DHX38: variants seen among roughly 807,000 people sequenced by gnomAD.
DHX38 encodes the protein pre-mRNA-splicing factor ATP-dependent RNA helicase PRP16.
DHX38 carries 100 observed loss-of-function variants against 153.1 expected under a neutral mutation model. That is an observed-to-expected ratio of 0.65 (90% CI 0.56 to 0.77). The LOEUF is 0.77. Ranked by LOEUF, DHX38 falls within the 30% of genes least tolerant of loss-of-function variation. DHX38 has a pLI of 0.00. For synonymous variants in DHX38, 650 were observed against 631.7 expected, an observed-to-expected ratio of 1.03 and a Z score of -0.43; for missense variants, 1,440 against 1,654.0, an observed-to-expected ratio of 0.87 and a Z score of 2.24.
intron 9 of DHX38, 139 bp downstream of exon 9, chr16:72,100,736 G>C (rs2042088383): frequency 7.9e-7 from 1 of 1,270,536 alleles, no homozygotes; most frequent in Non-Finnish European, 1.1e-6. Flanking sequence ...TTCAAGGCCT[G>C]CCTGGGCAAT....
Position 72,104,774 on chromosome 16 carries a change from T to C in DHX38, c.2151+148T>C. ...GGGCAAATGGGGCAGCCTGCAGCTC[T>C]GGGACTCGGGGACAAAGGACTCTGC... On this transcript the variant is annotated intron_variant, in intron 15 of 26. Coordinates refer to ENST00000268482, the MANE Select transcript of DHX38 (RefSeq NM_014003.4). This position sits in a 1 kb window ranked among gnomAD's most constrained non-coding sequence, Gnocchi z 4.5. 1 of 1,190,910 alleles carries C rather than the reference T, an allele frequency of 8.4e-7. No homozygotes were observed. Among genetic ancestry groups the C allele is most frequent in the Non-Finnish European group, 1.2e-6 (1 of 836,732 alleles). The allele number at this position is 1,190,910 out of a possible 1,614,324, so 73.8% of individuals were successfully genotyped here. A position where few individuals can be genotyped will look rare whatever the true frequency, so the allele number is the denominator to read the frequency against.
chr16:72,112,107 T>C (rs2042264478), intron 26 of DHX38: 1 of 434,248 alleles, frequency 2.3e-6, no homozygotes, highest in Non-Finnish European at 4.2e-6. Context: ...AAAGGCAGGC[T>C]GCTACACAGT....
Position 72,108,742 on chromosome 16 carries a change from C to T in DHX38, c.3256-58C>T, listed in dbSNP as rs77584989. The T allele has an allele frequency of 3.2e-5, 51 of 1,598,532 alleles. No homozygotes were observed. The African/African-American group carries it at 4.1e-4, about 13-fold the overall frequency. The stretch of plus-strand genomic sequence containing the variant: ...TGTCAAGAGTGTTAAGGGATGGGGT[C>T]GCTGCCCAAATGGGTGTTGTTTTCC... On this transcript the variant is annotated intron_variant, in intron 23 of 26. Coordinates refer to ENST00000268482, the MANE Select transcript of DHX38 (RefSeq NM_014003.4).
chr16:72,096,758 A>G (rs887168085), intron 2 of DHX38, 64 bp from the exon 3 acceptor site: 34 of 1,539,188 alleles, frequency 2.2e-5, no homozygotes, highest in Non-Finnish European at 2.8e-5. Flanking sequence ...TGGACAGCCA[A>G]AGGTTTTAGG....
chr16:72,108,771 T>C (rs1421719024), intron 23 of DHX38, 29 bp from the exon 24 acceptor site: 11 of 1,607,386 alleles, frequency 6.8e-6, no homozygotes, highest in Non-Finnish European at 9.4e-6. Flanking sequence ...GTTTTCCTGA[T>C]GTGGCTGCCT....
chr16:72,110,260 GT>G (rs1323750325), intron 25 of DHX38, among the ~76,000 whole-genome samples: 1 of 152,250 alleles, frequency 6.6e-6, no homozygotes, highest in Non-Finnish European at 1.5e-5. Context: ...CTGTGCCTGT[GT>G]TTCGTGCACT....
rs2144134233 is a variant in DHX38 at position 72,097,770 on chromosome 16, A to G, written c.605A>G (p.His202Arg). 1.9e-6 allele frequency: 3 copies of G among 1,613,640 alleles called. No individual in the cohort carries two copies. The highest frequency in any genetic ancestry group is 1.7e-4 in the Middle Eastern group (1 of 6,060). ...SRRNEPESPRHRPKDAATPSR... is the reference protein window; with the variant it reads ...SRRNEPESPRRRPKDAATPSR... The stretch of plus-strand genomic sequence containing the variant: ...AGAAATGAACCCGAGAGCCCACGAC[A>G]TCGACCTAAAGGTAGACTCACTGTT... Residue 202 changes from histidine (H) to arginine (R), a missense_variant, in exon 4 of 27, where the codon CAT becomes CGT. Coordinates refer to ENST00000268482, the MANE Select transcript of DHX38 (RefSeq NM_014003.4).
chr16:72,110,884 C>T, intron 25 of DHX38, 72 bp from the exon 26 acceptor site: 1 of 1,500,202 alleles, frequency 6.7e-7, no homozygotes, highest in Non-Finnish European at 9.0e-7. Context: ...GTGGCAGGGA[C>T]TTGGGTGCCG....
At position 72,104,427 on chromosome 16, in the gene DHX38, TG is replaced by T; in HGVS notation, c.2011-54del. 1.2e-6 allele frequency: 2 copies of T among 1,602,226 alleles called. No homozygotes were observed. Among genetic ancestry groups the T allele is most frequent in the Admixed American group, 1.7e-5 (1 of 59,640 alleles). On this transcript the variant is annotated intron_variant, in intron 14 of 26. Coordinates refer to ENST00000268482, the MANE Select transcript of DHX38 (RefSeq NM_014003.4). This position sits in a 1 kb window ranked among gnomAD's most constrained non-coding sequence, Gnocchi z 4.5. ...TCCTCGGGGGTGGTGCTGATGGGAC[TG>T]GGGGACAGGAGCCAAGGGTCCCCAC...
chr16:72,097,362 C>A, intron 3 of DHX38: 1 of 413,300 alleles, frequency 2.4e-6, no homozygotes, highest in Non-Finnish European at 4.4e-6. Flanking sequence ...CAATGCTGTC[C>A]TTGCTCAGTA....
At chr16:72,108,725 G>C (rs993900718) in intron 23 of DHX38, 75 bp from the exon 24 acceptor site, 25 of 1,596,238 alleles carry the variant, frequency 1.6e-5, no homozygotes, top group Non-Finnish European at 2.0e-5. Context: ...TGTGTCAAGA[G>C]TGTTAAGGGA....
In DHX38 at chr16:72,104,142, T is replaced by C. The variant is rs761220459; in HGVS notation, c.2010+11T>C. ...GGGCTGCTCCGGGAGGTGAGGGCTG[T>C]GTGGTTTGGTCTCTCTGCGCATGGG... On this transcript the variant is annotated intron_variant, in intron 14 of 26. Transcript: ENST00000268482. The surrounding 1 kb of genome is among the most constrained non-coding windows in gnomAD (Gnocchi z 4.5). The C allele has an allele frequency of 5.0e-6, 8 of 1,612,426 alleles. No individual in the cohort carries two copies. The East Asian group carries it at 1.6e-4, about 31-fold the overall frequency.
Position 72,093,865 on chromosome 16 carries a change from G to A in DHX38, c.-206G>A, listed in dbSNP as rs1178952367. ...GTTCCACACTTGGATCCAGGAATCG[G>A]GCGTGTTCCAGGCTGCTCTCTATGG... is the stretch of plus-strand genomic sequence containing the variant. On this transcript the variant is annotated 5_prime_UTR_variant, in exon 1 of 27. Coordinates refer to ENST00000268482, the MANE Select transcript of DHX38 (RefSeq NM_014003.4). 6.6e-6 allele frequency: 1 copy of A among 152,334 alleles called. No homozygotes were observed. Among genetic ancestry groups the A allele is most frequent in the Non-Finnish European group, 1.5e-5 (1 of 68,162 alleles). The allele number at this position is 152,334 out of a possible 1,614,324, so 9.4% of individuals were successfully genotyped here. A position where few individuals can be genotyped will look rare whatever the true frequency, so the allele number is the denominator to read the frequency against.
At chr16:72,098,816 C>G in intron 5 of DHX38, 24 bp downstream of exon 5, 1 of 1,613,368 alleles carries the variant, frequency 6.2e-7, no homozygotes. Flanking sequence ...CAGAGCAGCC[C>G]AGTTTCGCTG....
chr16:72,109,628 G>T, intron 25 of DHX38, 118 bp downstream of exon 25: 1 of 948,126 alleles, frequency 1.1e-6, no homozygotes, highest in Non-Finnish European at 1.5e-6. Flanking sequence ...CAAACATAAA[G>T]GCTGTGATCC....
At chr16:72,095,238 G>C (rs1056115277) in intron 1 of DHX38, among the ~76,000 whole-genome samples, 2 of 152,270 alleles carry the variant, frequency 1.3e-5, no homozygotes, top group Non-Finnish European at 2.9e-5. Context: ...TTGAGTGCCA[G>C]AAGTCTTGTA....
chr16:72,101,446 C>T (rs1191021700), intron 10 of DHX38, 54 bp from the exon 11 acceptor site: 13 of 1,506,062 alleles, frequency 8.6e-6, no homozygotes, highest in Non-Finnish European at 1.1e-5. Context: ...ATTGATTTTC[C>T]ATTGCTCGCA....
rs148977794 is a variant in DHX38 at position 72,100,318 on chromosome 16, C to T, written c.1117-118C>T. The T allele has an allele frequency of 3.1e-4, 418 of 1,356,978 alleles. 1 individual carries two copies. In the African/African-American group the frequency reaches 3.2e-3, roughly 11 times the overall value. The allele number at this position is 1,356,978 out of a possible 1,614,324, so 84.1% of individuals were successfully genotyped here. A position where few individuals can be genotyped will look rare whatever the true frequency, so the allele number is the denominator to read the frequency against. On this transcript the variant is annotated intron_variant, in intron 8 of 26. Coordinates refer to ENST00000268482, the MANE Select transcript of DHX38 (RefSeq NM_014003.4). ...TGGAGCTGTGGGTAGAGGCCTGTGA[C>T]ATCTTTGCAGCTACCAGTGGCCTTC...
At chr16:72,097,342 C>T (rs1190505096) in intron 3 of DHX38, 1 of 399,504 alleles carries the variant, frequency 2.5e-6, no homozygotes, top group African/African-American at 2.0e-5. Context: ...CAAAGCTAGA[C>T]AAAAAAATCC....
Sources: gnomAD v4.1 joint callset for allele counts (sites outside exome capture counted in the v4.1 genomes callset) on GRCh38, gnomAD v4.1.1 for gene constraint, Gnocchi (gnomAD v3.1) non-coding constraint, MANE v1.5 for transcripts, NCBI Gene and HGNC (gene_info 2026-07-23, HGNC 2026-07-21) for gene names.